The following MIPOL1 variants were observed in gnomAD, a reference collection of about 807,000 sequenced individuals.
MIPOL1 encodes the protein mirror-image polydactyly 1, also known as mirror-image polydactyly gene 1 protein.
MIPOL1 carries 57 observed loss-of-function variants against 60.9 expected under a neutral mutation model. The observed-to-expected ratio is 0.94, with a 90% confidence interval of 0.76 to 1.17. The LOEUF is 1.17. Ranked by LOEUF, MIPOL1 falls within the 50% of genes most tolerant of loss-of-function variation. The pLI is 0.00. For missense variants in MIPOL1, 551 were observed against 511.6 expected (o/e 1.08, Z -0.74); for synonymous variants, 179 against 168.8 (o/e 1.06, Z -0.47).
chr14:37,414,717 A>G (rs967691406), intron 10 of MIPOL1, among the ~76,000 whole-genome samples: 3 of 152,170 alleles, frequency 2.0e-5, no homozygotes, highest in African/African-American at 7.2e-5. Context: ...GAAAAAGCCA[A>G]AGTGATACAA....
chr14:37,489,828 G>A (rs778205557), intron 11 of MIPOL1, among the ~76,000 whole-genome samples: 42 of 152,112 alleles, frequency 2.8e-4, no homozygotes, highest in Non-Finnish European at 2.2e-4. Context: ...TGGAAGCTTC[G>A]TCCTAGAGGG....
intron 6 of MIPOL1, among the ~76,000 whole-genome samples, chr14:37,272,037 T>A (rs889482620): frequency 1.3e-5 from 2 of 151,564 alleles, no homozygotes; most frequent in Non-Finnish European, 3.0e-5. Flanking sequence ...ACAGTTTGAA[T>A]CAGGCATTCA....
chr14:37,296,895 A>G (rs2085773429), intron 7 of MIPOL1, among the ~76,000 whole-genome samples: 1 of 152,206 alleles, frequency 6.6e-6, no homozygotes, highest in East Asian at 1.9e-4. Flanking sequence ...AACTGGTACC[A>G]TTCCTTCTGA....
intron 11 of MIPOL1, among the ~76,000 whole-genome samples, chr14:37,486,175 G>T (rs2094942738): frequency 6.6e-6 from 1 of 152,018 alleles, no homozygotes; most frequent in Non-Finnish European, 1.5e-5. Flanking sequence ...GCCTCTGTTT[G>T]TTCTGTTTCA....
rs142098549 is a variant in MIPOL1, at chr14:37,291,967, C to T, written c.623+6520C>T. Among the ~76,000 whole-genome samples, 714 of 142,410 alleles carry T rather than the reference C, an allele frequency of 5.0e-3. 5 individuals are homozygous for T. The highest frequency in any genetic ancestry group is 0.018 in the African/African-American group (678 of 37,462). The allele number at this position is 142,410 out of a possible 152,430, so 93.4% of individuals were successfully genotyped here. A position where few individuals can be genotyped will look rare whatever the true frequency, so the allele number is the denominator to read the frequency against. On this transcript the variant is annotated intron_variant, in intron 7 of 12. Transcript: ENST00000684589. Reference sequence around the variant, plus strand: ...TAGAGAAGGAGTCTCACTCTGTCACCCAGGCTGGAGTGCAATGGTGCAATC... The same window carrying T: ...TAGAGAAGGAGTCTCACTCTGTCACTCAGGCTGGAGTGCAATGGTGCAATC...
chr14:37,456,135 A>T (rs969637469), intron 11 of MIPOL1, among the ~76,000 whole-genome samples: 1 of 151,976 alleles, frequency 6.6e-6, no homozygotes, highest in Non-Finnish European at 1.5e-5. Flanking sequence ...TTGTGAAGTT[A>T]TCATACTCGT....
intron 9 of MIPOL1, among the ~76,000 whole-genome samples, chr14:37,359,013 A>G (rs2092042126): frequency 6.6e-6 from 1 of 152,146 alleles, no homozygotes; most frequent in African/African-American, 2.4e-5. Flanking sequence ...TTTCTGTATA[A>G]GGTATAAGGA....
intron 12 of MIPOL1, among the ~76,000 whole-genome samples, chr14:37,540,957 A>T (rs2095527308): frequency 6.6e-6 from 1 of 152,144 alleles, no homozygotes; most frequent in African/African-American, 2.4e-5. Context: ...TGATCTCCTG[A>T]TCAATGCCAT....
rs75924906 is a variant in MIPOL1 at position 37,388,894 on chromosome 14, C to G, written c.936+19270C>G. On this transcript the variant is annotated intron_variant, in intron 10 of 12. Coordinates refer to ENST00000684589, the MANE Select transcript of MIPOL1 (RefSeq NM_001388067.1). ...GTTCTGTATCTAGGTTTTGTTTGCT[C>G]TCCTCTATGTATTGGCTTAACATTC... 2.1e-3 allele frequency among the ~76,000 whole-genome samples: 322 copies of G among 152,168 alleles called. 2 individuals carry two copies. The highest frequency in any genetic ancestry group is 7.2e-3 in the African/African-American group (298 of 41,542).
At chr14:37,316,961 G>C (rs1376643956) in intron 9 of MIPOL1, among the ~76,000 whole-genome samples, 2 of 152,068 alleles carry the variant, frequency 1.3e-5, no homozygotes, top group Non-Finnish European at 2.9e-5. Context: ...CTGGGAGACA[G>C]AGCAAGACTC....
chr14:37,484,665 C>T (rs2094921522), intron 11 of MIPOL1, among the ~76,000 whole-genome samples: 2 of 151,960 alleles, frequency 1.3e-5, no homozygotes, highest in African/African-American at 4.8e-5. Flanking sequence ...TCCACAGGTC[C>T]CTGAAGTTGT....
chr14:37,294,287 T>C lies in MIPOL1; in HGVS notation c.623+8840T>C, dbSNP rs188801829. 1.7e-3 allele frequency among the ~76,000 whole-genome samples: 253 copies of C among 152,066 alleles called. 1 individual carries two copies. The highest frequency in any genetic ancestry group is 5.8e-3 in the African/African-American group (239 of 41,486). ...GGAAAACTAACAAACAGAAAGGACA[T>C]CCACACCAAAAACCCATCTGTATGT... On this transcript the variant is annotated intron_variant, in intron 7 of 12. Coordinates refer to ENST00000684589, the MANE Select transcript of MIPOL1 (RefSeq NM_001388067.1).
intron 7 of MIPOL1, among the ~76,000 whole-genome samples, chr14:37,289,421 A>G (rs911604544): frequency 1.3e-5 from 2 of 152,358 alleles, no homozygotes; most frequent in East Asian, 3.9e-4. Flanking sequence ...CGTTAAGTCC[A>G]GGCCTCTGAA....
intron 1 of MIPOL1, among the ~76,000 whole-genome samples, chr14:37,207,396 A>G (rs1306292982): frequency 4.6e-5 from 7 of 152,232 alleles, no homozygotes; most frequent in South Asian, 2.1e-4. Context: ...TTCTTTTGCA[A>G]ATTGCCTAGT....
chr14:37,395,731 G>T (rs1310492214), intron 10 of MIPOL1, among the ~76,000 whole-genome samples: 2 of 152,080 alleles, frequency 1.3e-5, no homozygotes, highest in Non-Finnish European at 2.9e-5. Context: ...CCTCTTTACA[G>T]GTTTGTGTGC....
chr14:37,218,421 C>G (rs1048570056), intron 1 of MIPOL1, among the ~76,000 whole-genome samples: 3 of 151,856 alleles, frequency 2.0e-5, no homozygotes, highest in African/African-American at 7.3e-5. Context: ...CTCCTGACCT[C>G]AAGTGATCTT....
At chr14:37,208,039 C>T (rs971174024) in intron 1 of MIPOL1, among the ~76,000 whole-genome samples, 5 of 152,030 alleles carry the variant, frequency 3.3e-5, no homozygotes, top group African/African-American at 1.2e-4. Flanking sequence ...ACATGTTTAC[C>T]TTAGATCTGC....
rs992317439 is a variant in MIPOL1, at chr14:37,238,285, C to T, written c.-198-8818C>T. 3.9e-5 allele frequency among the ~76,000 whole-genome samples: 6 copies of T among 152,036 alleles called. No homozygotes were observed. The East Asian group carries it at 9.7e-4, about 24-fold the overall frequency. The stretch of plus-strand genomic sequence containing the variant: ...TCACAATGCCTATGTATGTATTACC[C>T]AAGTTTGACAGTTATCCTTCATGGT... On this transcript the variant is annotated intron_variant, in intron 1 of 12. Coordinates refer to ENST00000684589, the MANE Select transcript of MIPOL1 (RefSeq NM_001388067.1).
At chr14:37,314,299 A>G (rs535943415) in intron 9 of MIPOL1, among the ~76,000 whole-genome samples, 1 of 152,306 alleles carries the variant, frequency 6.6e-6, no homozygotes, top group African/African-American at 2.4e-5. Context: ...TCAAGGGGTA[A>G]TTAAAGAAAT....
Sources: allele counts gnomAD v4.1 joint callset (sites outside exome capture counted in the v4.1 genomes callset), GRCh38; gene constraint gnomAD v4.1.1; transcripts MANE v1.5; gene names NCBI Gene and HGNC (gene_info 2026-07-23, HGNC 2026-07-21).